Variants in ENPP6 observed in about 807,000 individuals in gnomAD.
The protein encoded by ENPP6 is ectonucleotide pyrophosphatase/phosphodiesterase 6.
ENPP6 carries 32 observed loss-of-function variants against 42.0 expected under a neutral mutation model. The ratio of observed to expected loss-of-function variants is 0.76; its 90% CI spans 0.58 to 1.02. The LOEUF is 1.02. Ranked by LOEUF, ENPP6 falls within the 50% of genes least tolerant of loss-of-function variation. The probability of loss-of-function intolerance (pLI) is 0.00; values close to 1 mark genes in which losing one functional copy is unlikely to be tolerated. For synonymous variants in ENPP6, 213 were observed against 216.0 expected (o/e 0.99, Z 0.12); for missense variants, 552 against 566.8 (o/e 0.97, Z 0.27).
intron 1 of ENPP6, among the ~76,000 whole-genome samples, chr4:184,154,397 C>CTTAAAT (rs1737118682): frequency 6.6e-6 from 1 of 152,124 alleles, no homozygotes; most frequent in East Asian, 1.9e-4. Flanking sequence ...AAACATTAGG[C>CTTAAAT]TTAAATTATT....
intron 1 of ENPP6, among the ~76,000 whole-genome samples, chr4:184,160,689 A>T (rs796210900): frequency 3.1e-5 from 4 of 129,466 alleles, no homozygotes; most frequent in African/African-American, 1.2e-4. Flanking sequence ...CAATCTAGAG[A>T]TCAGCTGGAG....
intron 6 of ENPP6, among the ~76,000 whole-genome samples, chr4:184,105,781 G>A (rs926660690): frequency 3.3e-5 from 5 of 152,126 alleles, no homozygotes; most frequent in Non-Finnish European, 5.9e-5. Flanking sequence ...CAAAGTCTAC[G>A]ATGATCCAGG....
chr4:184,088,802 C>T lies in ENPP6; in HGVS notation c.*2375G>A, dbSNP rs1735735588. On this transcript the variant is annotated 3_prime_UTR_variant, in exon 8 of 8. Coordinates refer to ENST00000296741, the MANE Select transcript of ENPP6 (RefSeq NM_153343.4). ...CATGATTCCTTTTGTAACTTGTTCT[C>T]AGTCATTTATTCAGTTGAGTAATTA... 1 of 152,120 alleles carries T rather than the reference C, an allele frequency of 6.6e-6. No homozygotes were observed. The highest frequency in any genetic ancestry group is 6.5e-5 in the Admixed American group (1 of 15,274). The allele number at this position is 152,120 out of a possible 1,614,324, so 9.4% of individuals were successfully genotyped here. A position where few individuals can be genotyped will look rare whatever the true frequency, so the allele number is the denominator to read the frequency against.
chr4:184,143,857 C>T (rs1477121260), intron 2 of ENPP6, among the ~76,000 whole-genome samples: 1 of 152,240 alleles, frequency 6.6e-6, no homozygotes, highest in African/African-American at 2.4e-5. Flanking sequence ...TCAAGTGCTC[C>T]AGTGAAGTGC....
intron 1 of ENPP6, among the ~76,000 whole-genome samples, chr4:184,186,364 G>A (rs2111104302): frequency 6.6e-6 from 1 of 152,282 alleles, no homozygotes; most frequent in South Asian, 2.1e-4. Context: ...TCTACAAAAG[G>A]CAAAGCTAAA....
intron 6 of ENPP6, among the ~76,000 whole-genome samples, chr4:184,098,537 G>T (rs1735948808): frequency 6.6e-6 from 1 of 152,094 alleles, no homozygotes; most frequent in African/African-American, 2.4e-5. Context: ...CCTCTCCTCC[G>T]TTAATGAGCA....
At chr4:184,172,029 G>A (rs1305789511) in intron 1 of ENPP6, among the ~76,000 whole-genome samples, 1 of 152,130 alleles carries the variant, frequency 6.6e-6, no homozygotes, top group Non-Finnish European at 1.5e-5. Flanking sequence ...GGGTTTGGAG[G>A]GGGTGGTGAG....
At chr4:184,173,377 C>T (rs1366824970) in intron 1 of ENPP6, among the ~76,000 whole-genome samples, 2 of 152,188 alleles carry the variant, frequency 1.3e-5, no homozygotes, top group African/African-American at 4.8e-5. Flanking sequence ...AATTCTGCCC[C>T]CTTCATTCCT....
At chr4:184,196,646 G>A (rs72699734) in intron 1 of ENPP6, among the ~76,000 whole-genome samples, 35,810 of 152,210 alleles carry the variant, frequency 0.24, 5,349 homozygotes, top group Middle Eastern at 0.34. Context: ...GAGAAAGACA[G>A]GTGGAGGAAA....
intron 2 of ENPP6, among the ~76,000 whole-genome samples, chr4:184,133,742 G>A (rs893557132): frequency 2.0e-5 from 3 of 151,790 alleles, no homozygotes; most frequent in Non-Finnish European, 4.4e-5. Flanking sequence ...TAAGGGTGCA[G>A]TGTACTAATT....
intron 1 of ENPP6, among the ~76,000 whole-genome samples, chr4:184,202,888 G>C (rs1732927129): frequency 6.6e-6 from 1 of 152,270 alleles, no homozygotes; most frequent in African/African-American, 2.4e-5. Context: ...ACATATATTT[G>C]CTCATTCTGT....
At position 184,116,842 on chromosome 4, in the gene ENPP6, C is replaced by G; in HGVS notation, c.855+14G>C. On this transcript the variant is annotated intron_variant, in intron 5 of 7. Transcript: ENST00000296741. ...CCACATGGCCCTCCTCCGCCCCCCACGGGTCTGTCTTGCCTCAGAGTGTTT... is the reference window on the plus strand; with the variant it reads ...CCACATGGCCCTCCTCCGCCCCCCAGGGGTCTGTCTTGCCTCAGAGTGTTT... 1.7e-5 allele frequency: 27 copies of G among 1,612,620 alleles called. No homozygotes were observed. The highest frequency in any genetic ancestry group is 2.2e-5 in the Non-Finnish European group (26 of 1,179,708).
chr4:184,207,221 T>TA (rs1733015996), intron 1 of ENPP6, among the ~76,000 whole-genome samples: 1 of 152,246 alleles, frequency 6.6e-6, no homozygotes, highest in Non-Finnish European at 1.5e-5. Context: ...GCAGTAAAGA[T>TA]AAAATTCTAG....
chr4:184,100,830 C>T (rs1001710133), intron 6 of ENPP6, among the ~76,000 whole-genome samples: 4 of 152,186 alleles, frequency 2.6e-5, no homozygotes, highest in Admixed American at 1.3e-4. Flanking sequence ...TTCAGTTCTA[C>T]GGATGTGGAC....
chr4:184,204,356 T>A lies in ENPP6; in HGVS notation c.241+13223A>T, dbSNP rs373816593. Reference sequence around the variant, plus strand: ...TGCTGGCATACATAGCCTGGCCACCTAAGCAGCCTGGGACAGAGGCTGAAA... The same window carrying A: ...TGCTGGCATACATAGCCTGGCCACCAAAGCAGCCTGGGACAGAGGCTGAAA... On this transcript the variant is annotated intron_variant, in intron 1 of 7. Coordinates refer to ENST00000296741, the MANE Select transcript of ENPP6 (RefSeq NM_153343.4). 1.3e-3 allele frequency among the ~76,000 whole-genome samples: 196 copies of A among 152,310 alleles called. 5 individuals are homozygous for A. In the South Asian group the frequency reaches 0.039, roughly 30 times the overall value.
chr4:184,212,759 A>G (rs1477936057), intron 1 of ENPP6, among the ~76,000 whole-genome samples: 8 of 151,878 alleles, frequency 5.3e-5, no homozygotes, highest in Non-Finnish European at 5.9e-5. Context: ...ATATGGAATC[A>G]AAAAAGAGCC....
At chr4:184,181,524 A>G (rs1402143872) in intron 1 of ENPP6, among the ~76,000 whole-genome samples, 1 of 152,244 alleles carries the variant, frequency 6.6e-6, no homozygotes, top group African/African-American at 2.4e-5. Context: ...TAAAATTCAT[A>G]TGGAACCAAA....
In ENPP6 at chr4:184,200,959, C is replaced by G. The variant is rs781272606; in HGVS notation, c.241+16620G>C. Among the ~76,000 whole-genome samples, 8 of 152,220 alleles carry G rather than the reference C, an allele frequency of 5.3e-5. 1 individual carries two copies. Among genetic ancestry groups the G allele is most frequent in the Non-Finnish European group, 1.2e-4 (8 of 68,044 alleles). The stretch of plus-strand genomic sequence containing the variant: ...AGTATCCTGGACCAAAGTTCCATTG[C>G]TCTCAGCCCCGACAGCCCTTTGTCT... On this transcript the variant is annotated intron_variant, in intron 1 of 7. Transcript: ENST00000296741.
chr4:184,184,541 C>G lies in ENPP6; in HGVS notation c.242-30808G>C, dbSNP rs967198634. ...GGGAAAGCAAATCGTGGCTCCACAACCTGTGTCTACCCAGAACCTGCGGAA... is the reference window on the plus strand; with the variant it reads ...GGGAAAGCAAATCGTGGCTCCACAAGCTGTGTCTACCCAGAACCTGCGGAA... On this transcript the variant is annotated intron_variant, in intron 1 of 7. Transcript: ENST00000296741. The surrounding 1 kb of genome is among the most constrained non-coding windows in gnomAD (Gnocchi z 4.7). 1.3e-5 allele frequency among the ~76,000 whole-genome samples: 2 copies of G among 152,152 alleles called. No individual in the cohort carries two copies. The highest frequency in any genetic ancestry group is 4.8e-5 in the African/African-American group (2 of 41,438).
Sources: gnomAD v4.1 joint callset for allele counts (sites outside exome capture counted in the v4.1 genomes callset) on GRCh38, gnomAD v4.1.1 for gene constraint, Gnocchi (gnomAD v3.1) non-coding constraint, MANE v1.5 for transcripts, NCBI Gene and HGNC (gene_info 2026-07-23, HGNC 2026-07-21) for gene names.